FCHO2: variants seen among roughly 807,000 people sequenced by gnomAD.
The protein encoded by FCHO2 is F-BAR domain only protein 2.
FCHO2 carries 43 observed loss-of-function variants against 114.1 expected under a neutral mutation model. The ratio of observed to expected loss-of-function variants is 0.38; its 90% confidence interval spans 0.30 to 0.49. The LOEUF is 0.49. FCHO2 is among the 20% of genes least tolerant of loss of function. FCHO2 has a pLI of 0.97. For synonymous variants in FCHO2, 293 were observed against 315.2 expected, an observed-to-expected ratio of 0.93 and a Z score of 0.75; for missense variants, 807 against 950.4, an observed-to-expected ratio of 0.85 and a Z score of 1.98.
intron 2 of FCHO2, among the ~76,000 whole-genome samples, chr5:72,982,696 A>G (rs1753282131): frequency 6.6e-6 from 1 of 152,144 alleles, no homozygotes; most frequent in Non-Finnish European, 1.5e-5. Context: ...AGTCGTCACC[A>G]TACCCAATGT....
chr5:72,965,919 A>G (rs561312523), intron 1 of FCHO2, among the ~76,000 whole-genome samples: 2 of 152,268 alleles, frequency 1.3e-5, no homozygotes, highest in African/African-American at 4.8e-5. Context: ...GAGGTTAGGC[A>G]TGTTATTGGT....
intron 6 of FCHO2, among the ~76,000 whole-genome samples, chr5:73,014,462 G>A (rs1044317171): frequency 4.6e-5 from 7 of 151,508 alleles, no homozygotes; most frequent in South Asian, 2.1e-4. Flanking sequence ...CTAATTTTTT[G>A]TATTTTGAGT....
intron 17 of FCHO2, among the ~76,000 whole-genome samples, chr5:73,058,962 TG>T (rs1243887200): frequency 6.6e-6 from 1 of 152,192 alleles, no homozygotes; most frequent in African/African-American, 2.4e-5. Context: ...TTAAAATTTA[TG>T]GCTTACAAGA....
chr5:72,992,321 G>A (rs1346129046), intron 5 of FCHO2, among the ~76,000 whole-genome samples: 1 of 152,016 alleles, frequency 6.6e-6, no homozygotes, highest in Non-Finnish European at 1.5e-5. Context: ...GTAAATTCAT[G>A]GTTTGAAAAC....
intron 16 of FCHO2, among the ~76,000 whole-genome samples, chr5:73,056,797 C>T (rs1757617986): frequency 6.6e-6 from 1 of 151,662 alleles, no homozygotes; most frequent in Admixed American, 6.6e-5. Flanking sequence ...TAATATACTT[C>T]GTAAGCTTCA....
At chr5:72,978,510 T>G (rs2061311426) in intron 2 of FCHO2, among the ~76,000 whole-genome samples, 2 of 152,228 alleles carry the variant, frequency 1.3e-5, no homozygotes, top group African/African-American at 4.8e-5. Context: ...GATTTTGGGC[T>G]GAGACGATGG....
At chr5:72,987,350 T>G (rs1340713090) in intron 2 of FCHO2, among the ~76,000 whole-genome samples, 3 of 152,134 alleles carry the variant, frequency 2.0e-5, no homozygotes, top group Non-Finnish European at 1.5e-5. Flanking sequence ...TTTATTTATT[T>G]ATTTGAGACA....
chr5:72,992,936 G>A (rs978235308), intron 5 of FCHO2, among the ~76,000 whole-genome samples: 5 of 150,644 alleles, frequency 3.3e-5, no homozygotes, highest in South Asian at 2.1e-4. Context: ...GATGAAGGGC[G>A]AGAGAGAAGA....
intron 16 of FCHO2, among the ~76,000 whole-genome samples, chr5:73,056,818 T>C (rs1045765457): frequency 1.3e-5 from 2 of 151,900 alleles, no homozygotes; most frequent in Admixed American, 1.3e-4. Flanking sequence ...AAAAAAGAAG[T>C]GTGTCAAGTT....
intron 6 of FCHO2, 45 bp from the exon 7 acceptor site, chr5:73,015,581 T>C: frequency 1.8e-6 from 2 of 1,126,138 alleles, no homozygotes; most frequent in East Asian, 2.6e-5. Flanking sequence ...TATATGTATG[T>C]ACCTGTATAT....
At chr5:73,087,818 A>C (rs1743362716) in intron 25 of FCHO2, 65 bp downstream of exon 25, 1 of 1,513,702 alleles carries the variant, frequency 6.6e-7, no homozygotes, top group Non-Finnish European at 8.8e-7. Flanking sequence ...ACAGTTATTA[A>C]AAAACTGTCA....
rs536930342 is a variant in FCHO2, at chr5:73,045,802, T to C, written c.939+4487T>C. On this transcript the variant is annotated intron_variant, in intron 11 of 25. Transcript: ENST00000430046. ...TGTTTTTAAAAATCCATTCTGCCAA[T>C]CTCTGCCTTTTAATTGATATATTTG... Among the ~76,000 whole-genome samples, 14 of 152,362 alleles carry C rather than the reference T, an allele frequency of 9.2e-5. No homozygotes were observed. The South Asian group carries it at 2.9e-3, about 32-fold the overall frequency.
At chr5:72,997,399 G>A in intron 5 of FCHO2, 1 of 1,600,154 alleles carries the variant, frequency 6.2e-7, no homozygotes, top group Non-Finnish European at 8.6e-7. Flanking sequence ...ACTGCACTTT[G>A]GAGTTGGGCA....
intron 9 of FCHO2, among the ~76,000 whole-genome samples, chr5:73,036,298 A>G (rs1756504412): frequency 6.6e-6 from 1 of 152,160 alleles, no homozygotes; most frequent in South Asian, 2.1e-4. Flanking sequence ...TGTATTAGGG[A>G]CAACATTATG....
chr5:73,021,064 C>T (rs1486764840), intron 8 of FCHO2: 5 of 914,930 alleles, frequency 5.5e-6, no homozygotes, highest in Admixed American at 3.4e-5. Context: ...CTGGTCCTCT[C>T]CCTCTGGAAA....
At chr5:72,964,207 C>T (rs1337920088) in intron 1 of FCHO2, among the ~76,000 whole-genome samples, 1 of 151,928 alleles carries the variant, frequency 6.6e-6, no homozygotes, top group African/African-American at 2.4e-5. Flanking sequence ...TTTAAGGATT[C>T]AACTAACTGG....
At chr5:72,976,272 T>TCTTG (rs1399888066) in intron 2 of FCHO2, among the ~76,000 whole-genome samples, 1 of 152,124 alleles carries the variant, frequency 6.6e-6, no homozygotes, top group African/African-American at 2.4e-5. Context: ...AGAGGCAAGG[T>TCTTG]CTTGCTATGT....
intron 16 of FCHO2, 59 bp from the exon 17 acceptor site, chr5:73,058,374 A>G: frequency 8.2e-7 from 1 of 1,214,722 alleles, no homozygotes; most frequent in Non-Finnish European, 1.1e-6. Context: ...AGTGACTAGA[A>G]ATTTTATACT....
intron 2 of FCHO2, among the ~76,000 whole-genome samples, chr5:72,984,828 G>C (rs1270618558): frequency 6.6e-6 from 1 of 151,916 alleles, no homozygotes; most frequent in Non-Finnish European, 1.5e-5. Flanking sequence ...TAGAGATGAG[G>C]GTTCACCAGG....
Sources: gnomAD v4.1 joint callset for allele counts (sites outside exome capture counted in the v4.1 genomes callset) on GRCh38, gnomAD v4.1.1 for gene constraint, MANE v1.5 for transcripts, NCBI Gene and HGNC (gene_info 2026-07-23, HGNC 2026-07-21) for gene names.